The following FAM53C variants were observed in gnomAD, a reference collection of about 807,000 sequenced individuals.
FAM53C encodes protein FAM53C.
Under a neutral mutation model 34.7 loss-of-function variants are expected in FAM53C, and 10 were observed. The observed-to-expected ratio is 0.29, with a 90% CI of 0.18 to 0.49. The LOEUF (loss-of-function observed/expected upper bound fraction) is 0.49. Among genes scored for constraint, FAM53C ranks in the 20% least tolerant of loss-of-function variants. The probability of loss-of-function intolerance (pLI) is 0.99; values close to 1 mark genes in which losing one functional copy is unlikely to be tolerated. For missense variants in FAM53C, 442 were observed against 515.3 expected (o/e 0.86, Z 1.38); for synonymous variants, 203 against 203.6 (o/e 1.00, Z 0.03).
chr5:138,345,432 C>T lies in FAM53C; in HGVS notation c.744C>T (p.Ala248=). The T allele has an allele frequency of 1.2e-6, 2 of 1,613,980 alleles. No individual in the cohort carries two copies. The highest frequency in any genetic ancestry group is 1.7e-6 in the Non-Finnish European group (2 of 1,180,028). Residue 248 remains alanine, a synonymous_variant, in exon 4 of 5, where the codon GCC becomes GCT. Transcript: ENST00000239906. The surrounding 1 kb of genome is among the most constrained non-coding windows in gnomAD (Gnocchi z 6.3). The part of the protein sequence containing the change: ...GPQASRFLPS[A]RSSPASSPEL... ...AGGCAAGCCGCTTCTTGCCCTCTGC[C>T]CGGAGCTCTCCCGCATCCTCCCCAG... is the stretch of plus-strand genomic sequence containing the variant.
chr5:138,344,857 TC>T lies in FAM53C; in HGVS notation c.171del (p.Cys58ValfsTer17). On this transcript the variant is annotated frameshift_variant, in exon 4 of 5. Transcript: ENST00000239906. LOFTEE classifies it high-confidence loss of function. ...GASWRGLPHC[S>X]CAEFQDSLNF... ...TTCCTGGAGGGGCCTGCCCCACTGT[TC>T]CTGTGCTGAGTTCCAGGACAGCCTC... is the stretch of plus-strand genomic sequence containing the variant. 1 of 1,596,724 alleles carries T rather than the reference TC, an allele frequency of 6.3e-7. No homozygotes were observed. Among genetic ancestry groups the T allele is most frequent in the South Asian group, 1.1e-5 (1 of 89,116 alleles).
intron 1 of FAM53C, among the ~76,000 whole-genome samples, chr5:138,338,680 G>C (rs923199248): frequency 6.6e-6 from 1 of 151,756 alleles, no homozygotes; most frequent in African/African-American, 2.4e-5. Flanking sequence ...GAAGATTGGA[G>C]GGGCCTAGCC....
rs764819075 is a variant in FAM53C at position 138,341,372 on chromosome 5, A to T, written c.37A>T (p.Thr13Ser). 9 of 1,613,970 alleles carry T rather than the reference A, an allele frequency of 5.6e-6. No individual in the cohort carries two copies. Among genetic ancestry groups the T allele is most frequent in the Non-Finnish European group, 7.6e-6 (9 of 1,180,016 alleles). ...GATCACTGAGCAGCTACAGAAGCAG[A>T]CTCTGGATGAGCTGAAATGCACACG... is the stretch of plus-strand genomic sequence containing the variant. ...TLITEQLQKQ[T>S]LDELKCTRFS... Residue 13 changes from threonine to serine, a missense_variant, in exon 2 of 5, where the codon ACT becomes TCT. Transcript: ENST00000239906.
chr5:138,341,715 C>T (rs914542457), intron 2 of FAM53C, 94 bp from the exon 3 acceptor site: 10 of 1,115,658 alleles, frequency 9.0e-6, no homozygotes, highest in African/African-American at 1.5e-5. Context: ...ATCCCTGTAG[C>T]TCATGAATCG....
chr5:138,338,125 G>A, upstream of FAM53C: 1 of 1,289,832 alleles, frequency 7.8e-7, no homozygotes, highest in Non-Finnish European at 1.0e-6. Context: ...GACACTTTGA[G>A]AGAGACACGA....
At chr5:138,344,803 TC>T in intron 3 of FAM53C, 21 bp from the exon 4 acceptor site, 1 of 1,507,544 alleles carries the variant, frequency 6.6e-7, no homozygotes, top group Non-Finnish European at 8.9e-7. Context: ...TTAATATTAT[TC>T]TTATTATAAA....
chr5:138,345,309 C>G lies in FAM53C; in HGVS notation c.621C>G (p.Ala207=). The G allele has an allele frequency of 1.2e-6, 2 of 1,614,218 alleles. No homozygotes were observed. Among genetic ancestry groups the G allele is most frequent in the Non-Finnish European group, 1.7e-6 (2 of 1,180,042 alleles). Reference sequence around the variant, plus strand: ...CCCAAGATTCCTCTCGACCCTGCGCCGCCTCCCCTCAAAGTGGCTCCTGGG... The same window carrying G: ...CCCAAGATTCCTCTCGACCCTGCGCGGCCTCCCCTCAAAGTGGCTCCTGGG... ...ALAQDSSRPC[A]ASPQSGSWES... is the part of the protein sequence containing the mutation. The change falls in exon 4 of 5, where the codon GCC becomes GCG. Residue 207 remains alanine, a synonymous_variant. Coordinates refer to ENST00000239906, the MANE Select transcript of FAM53C (RefSeq NM_016605.3). This position sits in a 1 kb window ranked among gnomAD's most constrained non-coding sequence, Gnocchi z 6.3.
rs527544604 is a variant in FAM53C at position 138,347,370 on chromosome 5, G to A, written c.*411G>A. The A allele has an allele frequency of 3.7e-6, 1 of 266,894 alleles. No homozygotes were observed. The highest frequency in any genetic ancestry group is 5.1e-5 in the Admixed American group (1 of 19,666). 16.5% of individuals were successfully genotyped at this position (266,894 alleles called of 1,614,324 possible). On this transcript the variant is annotated 3_prime_UTR_variant, in exon 5 of 5. Coordinates refer to ENST00000239906, the MANE Select transcript of FAM53C (RefSeq NM_016605.3). Reference sequence around the variant, plus strand: ...CAGCCTCCTCAGAGAAACTGCGTGAGAGTGTGTGCGTGCATGGGAGTGTAC... The same window carrying A: ...CAGCCTCCTCAGAGAAACTGCGTGAAAGTGTGTGCGTGCATGGGAGTGTAC...
chr5:138,338,941 C>T (rs1429128681), intron 1 of FAM53C, among the ~76,000 whole-genome samples: 1 of 152,234 alleles, frequency 6.6e-6, no homozygotes, highest in African/African-American at 2.4e-5. Context: ...TACAGCACAA[C>T]CTCAGCATCC....
At chr5:138,337,834 G>C (rs1760819243), upstream of FAM53C, 2 of 554,074 alleles carry the variant, frequency 3.6e-6, no homozygotes, top group Non-Finnish European at 5.8e-6. Context: ...TGGTCGTGGA[G>C]GGCGGGGCAG....
chr5:138,343,851 C>T (rs1486204394), intron 3 of FAM53C: 1 of 152,254 alleles, frequency 6.6e-6, no homozygotes, highest in East Asian at 1.9e-4. Flanking sequence ...AGCAGGAACT[C>T]ATGGTCCCTG....
At position 138,345,315 on chromosome 5, in the gene FAM53C, C is replaced by T; in HGVS notation, c.627C>T (p.Ser209=). Residue 209 remains serine (S), a synonymous_variant, in exon 4 of 5, where the codon TCC becomes TCT. Coordinates refer to ENST00000239906, the MANE Select transcript of FAM53C (RefSeq NM_016605.3). The surrounding 1 kb of genome is among the most constrained non-coding windows in gnomAD (Gnocchi z 6.3). ...AQDSSRPCAA[S]PQSGSWESDA... Reference sequence around the variant, plus strand: ...ATTCCTCTCGACCCTGCGCCGCCTCCCCTCAAAGTGGCTCCTGGGAGAGTG... The same window carrying T: ...ATTCCTCTCGACCCTGCGCCGCCTCTCCTCAAAGTGGCTCCTGGGAGAGTG... 1 of 1,614,246 alleles carries T rather than the reference C, an allele frequency of 6.2e-7. No individual in the cohort carries two copies. Among genetic ancestry groups the T allele is most frequent in the Non-Finnish European group, 8.5e-7 (1 of 1,180,046 alleles).
chr5:138,338,276 C>T lies in FAM53C; in HGVS notation c.-184C>T. ...GCGAACCGAGCGCTCAGAGCTGCTC[C>T]GGCCGCGGCCCTGGGAGCTGGAGGA... On this transcript the variant is annotated 5_prime_UTR_variant, in exon 1 of 5. Transcript: ENST00000239906. 3.3e-6 allele frequency: 3 copies of T among 915,280 alleles called. No homozygotes were observed. Among genetic ancestry groups the T allele is most frequent in the South Asian group, 1.4e-5 (1 of 73,480 alleles). 56.7% of individuals were successfully genotyped at this position (915,280 alleles called of 1,614,324 possible).
In FAM53C at chr5:138,347,181, C is replaced by G. The variant is rs1032060196; in HGVS notation, c.*222C>G. On this transcript the variant is annotated 3_prime_UTR_variant, in exon 5 of 5. Transcript: ENST00000239906. ...GGTGGCGGGAGGGACAGCCCCAGAG[C>G]AGACCCTTCCTATGGCGGCCCTGAG... The G allele has an allele frequency of 3.2e-5, 20 of 616,298 alleles. No homozygotes were observed. In the Admixed American group the frequency reaches 5.0e-4, roughly 15 times the overall value. 38.2% of individuals were successfully genotyped at this position (616,298 alleles called of 1,614,324 possible).
rs1447352928 is a variant in FAM53C, at chr5:138,345,199, A to G, written c.511A>G (p.Arg171Gly). 6.2e-7 allele frequency: 1 copy of G among 1,614,180 alleles called. No individual in the cohort carries two copies. The highest frequency in any genetic ancestry group is 8.5e-7 in the Non-Finnish European group (1 of 1,180,022). Residue 171 changes from arginine to glycine, a missense_variant, in exon 4 of 5, where the codon AGG becomes GGG. Coordinates refer to ENST00000239906, the MANE Select transcript of FAM53C (RefSeq NM_016605.3). This position sits in a 1 kb window ranked among gnomAD's most constrained non-coding sequence, Gnocchi z 6.3. Reference sequence around the variant, plus strand: ...CCCCCCAAAGCGGGTCTCCAGCCTCAGGTTCCTCCAAGCTCCCAGTGCCTC... The same window carrying G: ...CCCCCCAAAGCGGGTCTCCAGCCTCGGGTTCCTCCAAGCTCCCAGTGCCTC... ...QSPPKRVSSL[R>G]FLQAPSASSQ...
rs1580853752 is a variant in FAM53C, at chr5:138,341,283, G to A, written c.-53G>A. 3 of 1,463,086 alleles carry A rather than the reference G, an allele frequency of 2.1e-6. No individual in the cohort carries two copies. Among genetic ancestry groups the A allele is most frequent in the Non-Finnish European group, 2.9e-6 (3 of 1,042,096 alleles). 90.6% of individuals were successfully genotyped at this position (1,463,086 alleles called of 1,614,324 possible). ...AAGTGAGGTCTGGAAGAACAACAGG[G>A]AAGACATCCATCATTTGCTCCAAAG... On this transcript the variant is annotated 5_prime_UTR_variant, in exon 2 of 5. Coordinates refer to ENST00000239906, the MANE Select transcript of FAM53C (RefSeq NM_016605.3).
chr5:138,343,923 C>T (rs978419795), intron 3 of FAM53C, among the ~76,000 whole-genome samples: 2 of 152,152 alleles, frequency 1.3e-5, no homozygotes, highest in Non-Finnish European at 2.9e-5. Context: ...TGAATTTTGC[C>T]ACCATCAAGT....
rs754879527 is a variant in FAM53C at position 138,345,017 on chromosome 5, C to T, written c.329C>T (p.Pro110Leu). The T allele has an allele frequency of 1.9e-6, 3 of 1,613,824 alleles. No homozygotes were observed. Among genetic ancestry groups the T allele is most frequent in the Admixed American group, 1.7e-5 (1 of 60,020 alleles). The change falls in exon 4 of 5, where the codon CCT (proline) becomes CTT (leucine). Residue 110 changes from proline (P) to leucine (L), a missense_variant. Pro to Leu is a moderately conservative substitution (Grantham distance 98). Coordinates refer to ENST00000239906, the MANE Select transcript of FAM53C (RefSeq NM_016605.3). This position sits in a 1 kb window ranked among gnomAD's most constrained non-coding sequence, Gnocchi z 6.3. ...PPDPEKLPVPPAPPSKRHCRS... is the reference protein window; with the variant it reads ...PPDPEKLPVPLAPPSKRHCRS... ...GATCCAGAGAAGCTTCCTGTGCCCC[C>T]TGCCCCTCCATCCAAGAGGCACTGC...
At chr5:138,339,755 G>T (rs981990382) in intron 1 of FAM53C, among the ~76,000 whole-genome samples, 1 of 152,214 alleles carries the variant, frequency 6.6e-6, no homozygotes, top group Non-Finnish European at 1.5e-5. Flanking sequence ...GTTCAGGGTG[G>T]TAATAATTAT....
Sources: allele counts gnomAD v4.1 joint callset (sites outside exome capture counted in the v4.1 genomes callset), GRCh38; gene constraint gnomAD v4.1.1; non-coding constraint Gnocchi (gnomAD v3.1); transcripts MANE v1.5; gene names NCBI Gene and HGNC (gene_info 2026-07-23, HGNC 2026-07-21).